The following CTPS2 variants were observed in gnomAD, a reference collection of about 807,000 sequenced individuals.
CTPS2 encodes the protein CTP synthase II.
A neutral mutation model predicts 46.8 loss-of-function variants in CTPS2; 19 were observed. The ratio of observed to expected loss-of-function variants is 0.41; its 90% CI spans 0.28 to 0.60. The LOEUF is 0.60. CTPS2 is among the 20% of genes least tolerant of loss of function. CTPS2 has a pLI of 0.35. For synonymous variants in CTPS2, 151 were observed against 165.2 expected, an observed-to-expected ratio of 0.91 and a Z score of 0.66; for missense variants, 286 against 447.6, an observed-to-expected ratio of 0.64 and a Z score of 3.26.
In CTPS2 at chrX:16,661,738, A is replaced by G. The variant is rs761877914; in HGVS notation, c.1296+5776T>C. Among the ~76,000 whole-genome samples, 61 of 111,252 alleles carry G rather than the reference A, an allele frequency of 5.5e-4. 1 individual carries two copies. In the South Asian group the frequency reaches 0.023, roughly 42 times the overall value. On this transcript the variant is annotated intron_variant, in intron 13 of 18. Transcript: ENST00000359276. The stretch of plus-strand genomic sequence containing the variant: ...AAATAATGAAAACTGAAATAATATC[A>G]AATACCAAAATCTCAAATATCCATT...
chrX:16,669,593 C>T (rs777084915), intron 11 of CTPS2, among the ~76,000 whole-genome samples: 4 of 110,360 alleles, frequency 3.6e-5, no homozygotes, highest in African/African-American at 9.9e-5. Flanking sequence ...AACAATGGCC[C>T]CCAACGAGCT....
chrX:16,635,271 C>A (rs1387026857), intron 14 of CTPS2, among the ~76,000 whole-genome samples: 1 of 111,565 alleles, frequency 9.0e-6, no homozygotes, highest in Non-Finnish European at 1.9e-5. Context: ...TATGCCAATA[C>A]GGGATGGGGG....
chrX:16,662,658 C>T (rs761964115), intron 13 of CTPS2, among the ~76,000 whole-genome samples: 2 of 108,661 alleles, frequency 1.8e-5, no homozygotes, highest in East Asian at 5.8e-4. Context: ...ACTCTGCAGG[C>T]TTCATGGTGC....
intron 17 of CTPS2, among the ~76,000 whole-genome samples, chrX:16,591,233 T>C (rs1928884840): frequency 8.9e-6 from 1 of 111,960 alleles, no homozygotes; most frequent in African/African-American, 3.2e-5. Context: ...ATTGCTTGCT[T>C]TCTACTAGAG....
intron 10 of CTPS2, among the ~76,000 whole-genome samples, chrX:16,676,121 G>A (rs1383752635): frequency 8.9e-6 from 1 of 112,213 alleles, no homozygotes; most frequent in African/African-American, 3.2e-5. Context: ...TTGCATAAGT[G>A]CAATAAGAAT....
chrX:16,695,787 G>T (rs1482816391), intron 4 of CTPS2, among the ~76,000 whole-genome samples: 1 of 110,752 alleles, frequency 9.0e-6, no homozygotes. Context: ...TCCTGACCTC[G>T]TGATCCACCC....
chrX:16,655,660 G>A (rs1208869149), intron 13 of CTPS2, among the ~76,000 whole-genome samples: 4 of 111,967 alleles, frequency 3.6e-5, no homozygotes, highest in African/African-American at 9.7e-5. Context: ...GCAGTGCCCC[G>A]GAAGCTAGAT....
chrX:16,642,560 C>G lies in CTPS2; in HGVS notation c.1297-3317G>C, dbSNP rs775269504. The stretch of plus-strand genomic sequence containing the variant: ...TGGTGGAACCCCAACACTCAGGAAG[C>G]GGAAGGTCAGGGCAAGGCAGAGACT... On this transcript the variant is annotated intron_variant, in intron 13 of 18. Coordinates refer to ENST00000359276, the MANE Select transcript of CTPS2 (RefSeq NM_175859.3). Among the ~76,000 whole-genome samples the G allele has an allele frequency of 1.3e-4, 14 of 111,449 alleles. No individual in the cohort carries two copies. In the South Asian group the frequency reaches 5.4e-3, roughly 43 times the overall value.
chrX:16,599,204 G>A (rs1569188488), intron 17 of CTPS2, among the ~76,000 whole-genome samples: 1 of 112,093 alleles, frequency 8.9e-6, no homozygotes, highest in Non-Finnish European at 1.9e-5. Flanking sequence ...GGAAGTTCTT[G>A]CCAGGGCAAT....
chrX:16,648,988 G>A (rs1267564726), intron 13 of CTPS2, among the ~76,000 whole-genome samples: 1 of 112,098 alleles, frequency 8.9e-6, no homozygotes, highest in Non-Finnish European at 1.9e-5. Flanking sequence ...AAGCTGTAAA[G>A]TGCTCTTAAA....
At chrX:16,631,372 A>C (rs1931458369) in intron 14 of CTPS2, among the ~76,000 whole-genome samples, 1 of 109,801 alleles carries the variant, frequency 9.1e-6, no homozygotes, top group Non-Finnish European at 1.9e-5. Flanking sequence ...ATTAGAAATT[A>C]GCCAGGCGTG....
chrX:16,649,779 C>T (rs1222019836), intron 13 of CTPS2, among the ~76,000 whole-genome samples: 1 of 112,560 alleles, frequency 8.9e-6, no homozygotes, highest in Non-Finnish European at 1.9e-5. Context: ...GCATGAGCTA[C>T]CGCACAGGGC....
At chrX:16,612,314 T>C (rs1480485108) in intron 16 of CTPS2, among the ~76,000 whole-genome samples, 1 of 111,849 alleles carries the variant, frequency 8.9e-6, no homozygotes, top group African/African-American at 3.2e-5. Flanking sequence ...GTATCTAAGA[T>C]CAAAATCTTC....
Position 16,683,150 on chromosome X carries a change from C to A in CTPS2, c.949G>T (p.Val317Leu). The A allele has an allele frequency of 8.3e-7, 1 of 1,211,196 alleles. No individual in the cohort carries two copies. Among genetic ancestry groups the A allele is most frequent in the Non-Finnish European group, 1.1e-6 (1 of 894,999 alleles). Reference sequence around the variant, plus strand: ...GCTGAGTGTTCCAGGGCTTTGAACACAGAGGCGTAGCAGTCTCTGAGCTTG... The same window carrying A: ...GCTGAGTGTTCCAGGGCTTTGAACAAAGAGGCGTAGCAGTCTCTGAGCTTG... ...YTKLRDCYAS[V>L]FKALEHSALA... The change falls in exon 9 of 19, where the codon GTG (valine) becomes TTG (leucine). Residue 317 changes from valine (V) to leucine (L), a missense_variant. Physicochemically the swap from Val to Leu is conservative, Grantham distance 32. Coordinates refer to ENST00000359276, the MANE Select transcript of CTPS2 (RefSeq NM_175859.3).
chrX:16,678,830 G>A (rs2147326722), intron 9 of CTPS2, among the ~76,000 whole-genome samples: 1 of 109,722 alleles, frequency 9.1e-6, no homozygotes, highest in South Asian at 4.0e-4. Context: ...TTGTAACACT[G>A]CATTCCAGCC....
Position 16,599,962 on chromosome X carries a change from A to G in CTPS2, c.1692-9100T>C, listed in dbSNP as rs192026252. Among the ~76,000 whole-genome samples the G allele has an allele frequency of 4.5e-5, 5 of 110,270 alleles. No homozygotes were observed. The Admixed American group carries it at 4.8e-4, about 11-fold the overall frequency. On this transcript the variant is annotated intron_variant, in intron 17 of 18. Coordinates refer to ENST00000359276, the MANE Select transcript of CTPS2 (RefSeq NM_175859.3). ...CCCAGCTAATTTTTGTATTTTTAGTAGAGACAGGGTTTCGCCATGTTGGCC... is the reference window on the plus strand; with the variant it reads ...CCCAGCTAATTTTTGTATTTTTAGTGGAGACAGGGTTTCGCCATGTTGGCC...
At chrX:16,593,423 T>C (rs1169669592) in intron 17 of CTPS2, among the ~76,000 whole-genome samples, 4 of 90,945 alleles carry the variant, frequency 4.4e-5, no homozygotes, top group Non-Finnish European at 8.5e-5. Flanking sequence ...AGCAAGACTC[T>C]GTCTCAAAAA....
chrX:16,618,764 AT>A (rs1175827023), intron 15 of CTPS2, among the ~76,000 whole-genome samples: 1 of 112,027 alleles, frequency 8.9e-6, no homozygotes, highest in African/African-American at 3.2e-5. Context: ...AGAAATATCT[AT>A]TCATATCATT....
At chrX:16,615,267 A>C (rs1930471462) in intron 16 of CTPS2, among the ~76,000 whole-genome samples, 1 of 111,316 alleles carries the variant, frequency 9.0e-6, no homozygotes, top group African/African-American at 3.3e-5. Flanking sequence ...TGTGCCCAAG[A>C]GGTCAAGGCT....
Sources: allele counts gnomAD v4.1 joint callset (sites outside exome capture counted in the v4.1 genomes callset), GRCh38; gene constraint gnomAD v4.1.1; transcripts MANE v1.5; gene names NCBI Gene and HGNC (gene_info 2026-07-23, HGNC 2026-07-21).